ARHGAP44: variants seen among roughly 807,000 people sequenced by gnomAD.
ARHGAP44 encodes the protein Rho GTPase activating protein 44, also known as rho GTPase-activating protein 44.
In ARHGAP44, 43 loss-of-function variants were observed where a neutral mutation model predicts 106.8. That is an observed-to-expected ratio of 0.40 (90% CI 0.32 to 0.52). The LOEUF is 0.52. Ranked by LOEUF, ARHGAP44 falls within the 20% of genes least tolerant of loss-of-function variation. The pLI is 0.48. For missense variants in ARHGAP44, 866 were observed against 1,050.5 expected (o/e 0.82, Z 2.43); for synonymous variants, 439 against 410.3 (o/e 1.07, Z -0.85).
chr17:12,868,553 A>C (rs914617983), intron 1 of ARHGAP44, among the ~76,000 whole-genome samples: 2 of 144,364 alleles, frequency 1.4e-5, no homozygotes, highest in Admixed American at 7.0e-5. Flanking sequence ...AGAGGCTAAA[A>C]AGCCAAAAAG....
chr17:12,877,569 C>A (rs960590494), intron 1 of ARHGAP44, among the ~76,000 whole-genome samples: 39 of 152,032 alleles, frequency 2.6e-4, no homozygotes, highest in Admixed American at 6.5e-4. Context: ...GCTAACACGG[C>A]GAAATCCCGT....
chr17:12,919,769 TA>T lies in ARHGAP44; in HGVS notation c.403del (p.Ile135PhefsTer8). On this transcript the variant is annotated frameshift_variant, in exon 6 of 21. Transcript: ENST00000379672. LOFTEE classifies it high-confidence loss of function. ...TGTAACCACAGGTGGAAATCCCAAA[TA>T]TTCAAAAGCAGAGGAAACACTTAGC... is the stretch of plus-strand genomic sequence containing the variant. ...FLLAEVEIPN[I>X]QKQRKHLAKL... The T allele has an allele frequency of 6.2e-7, 1 of 1,612,718 alleles. No individual in the cohort carries two copies. Among genetic ancestry groups the T allele is most frequent in the Non-Finnish European group, 8.5e-7 (1 of 1,179,348 alleles).
intron 3 of ARHGAP44, among the ~76,000 whole-genome samples, chr17:12,900,407 G>C (rs1470249933): frequency 6.6e-6 from 1 of 152,150 alleles, no homozygotes; most frequent in Non-Finnish European, 1.5e-5. Flanking sequence ...GATTACAGGC[G>C]TGAGCCACCA....
chr17:12,895,472 T>G (rs2037176650), intron 2 of ARHGAP44, among the ~76,000 whole-genome samples: 1 of 152,226 alleles, frequency 6.6e-6, no homozygotes, highest in Non-Finnish European at 1.5e-5. Flanking sequence ...ATGTGTCTGT[T>G]GGCTGCATAA....
At chr17:12,861,819 G>A (rs71364190) in intron 1 of ARHGAP44, among the ~76,000 whole-genome samples, 1 of 151,806 alleles carries the variant, frequency 6.6e-6, no homozygotes, top group African/African-American at 2.4e-5. Flanking sequence ...ATTTTTAGTA[G>A]AGACAGGGTT....
At chr17:12,988,800 C>T (rs139004708) in intron 20 of ARHGAP44, 1,609 of 151,894 alleles carry the variant, frequency 0.011, 35 homozygotes, top group African/African-American at 0.036. Flanking sequence ...GCAGGCAGGC[C>T]GGGCGTGGTT....
chr17:12,843,489 C>G lies in ARHGAP44; in HGVS notation c.54-51451C>G, dbSNP rs951726548. The stretch of plus-strand genomic sequence containing the variant: ...TTCTTATCTGCTGATTTTGGCACCT[C>G]GTTCATCTTTTGGTTGATCTCAATT... On this transcript the variant is annotated intron_variant, in intron 1 of 20. Coordinates refer to ENST00000379672, the MANE Select transcript of ARHGAP44 (RefSeq NM_014859.6). Among the ~76,000 whole-genome samples the G allele has an allele frequency of 2.0e-5, 3 of 151,940 alleles. No homozygotes were observed. The East Asian group carries it at 5.8e-4, about 29-fold the overall frequency.
intron 19 of ARHGAP44, among the ~76,000 whole-genome samples, chr17:12,981,211 G>T (rs907210624): frequency 6.6e-6 from 1 of 152,158 alleles, no homozygotes; most frequent in East Asian, 1.9e-4. Context: ...GACACTCAGG[G>T]TACTGTAAGG....
chr17:12,882,278 T>G (rs968830100), intron 1 of ARHGAP44, among the ~76,000 whole-genome samples: 1 of 152,150 alleles, frequency 6.6e-6, no homozygotes, highest in Non-Finnish European at 1.5e-5. Flanking sequence ...CTTTTGAGTA[T>G]GTACTGGTTA....
chr17:12,851,864 C>T (rs1018197854), intron 1 of ARHGAP44, among the ~76,000 whole-genome samples: 7 of 151,930 alleles, frequency 4.6e-5, no homozygotes, highest in Admixed American at 6.6e-5. Flanking sequence ...AGACGATGGC[C>T]GCATCTGAGT....
At chr17:12,967,764 T>C (rs72815126) in intron 16 of ARHGAP44, among the ~76,000 whole-genome samples, 11,019 of 152,198 alleles carry the variant, frequency 0.072, 613 homozygotes, top group African/African-American at 0.14. Flanking sequence ...ATCCTCTCCC[T>C]GTATGGTCTA....
chr17:12,926,704 A>G (rs1319958057), intron 6 of ARHGAP44, among the ~76,000 whole-genome samples: 1 of 151,676 alleles, frequency 6.6e-6, no homozygotes, highest in Admixed American at 6.6e-5. Context: ...CTTCATTTTA[A>G]TATACCTATA....
chr17:12,959,225 T>TA (rs2039201499), intron 16 of ARHGAP44, among the ~76,000 whole-genome samples: 1 of 152,204 alleles, frequency 6.6e-6, no homozygotes, highest in African/African-American at 2.4e-5. Flanking sequence ...TGTATACAAG[T>TA]AGATCAATTC....
intron 7 of ARHGAP44, among the ~76,000 whole-genome samples, chr17:12,935,361 G>A (rs1202706886): frequency 6.6e-6 from 1 of 152,104 alleles, no homozygotes; most frequent in Non-Finnish European, 1.5e-5. Context: ...ATCACCTGAG[G>A]TTAGGAGTTC....
At chr17:12,912,990 G>A (rs2037786050) in intron 4 of ARHGAP44, among the ~76,000 whole-genome samples, 1 of 152,198 alleles carries the variant, frequency 6.6e-6, no homozygotes, top group Admixed American at 6.5e-5. Context: ...ATACAAGACA[G>A]AGGAAGAGAA....
chr17:12,904,325 C>G (rs1598029143), intron 3 of ARHGAP44, among the ~76,000 whole-genome samples: 1 of 152,306 alleles, frequency 6.6e-6, no homozygotes, highest in Non-Finnish European at 1.5e-5. Flanking sequence ...CCAGGATGGT[C>G]TCAATCTCTT....
At chr17:12,920,558 G>A (rs9915671) in intron 6 of ARHGAP44, among the ~76,000 whole-genome samples, 38,074 of 151,860 alleles carry the variant, frequency 0.25, 8,862 homozygotes, top group African/African-American at 0.61. Context: ...TATGGCAGAG[G>A]GCACAGCAAA....
intron 1 of ARHGAP44, among the ~76,000 whole-genome samples, chr17:12,806,176 A>G (rs1270459515): frequency 6.6e-6 from 1 of 152,156 alleles, no homozygotes; most frequent in East Asian, 1.9e-4. Flanking sequence ...TTGAGGTGGT[A>G]TCTTTGATGG....
chr17:12,945,198 C>G (rs916956243), intron 10 of ARHGAP44, among the ~76,000 whole-genome samples: 1 of 151,684 alleles, frequency 6.6e-6, no homozygotes, highest in Non-Finnish European at 1.5e-5. Context: ...TTAGTAGAGA[C>G]GAGGTTTCAA....
Sources: allele counts gnomAD v4.1 joint callset (sites outside exome capture counted in the v4.1 genomes callset), GRCh38; gene constraint gnomAD v4.1.1; transcripts MANE v1.5; gene names NCBI Gene and HGNC (gene_info 2026-07-23, HGNC 2026-07-21).